Variants in ELMO3 observed in about 807,000 individuals in gnomAD.
ELMO3 encodes engulfment and cell motility protein 3.
A neutral mutation model predicts 89.0 loss-of-function variants in ELMO3; 81 were observed. That is an observed-to-expected ratio of 0.91 (90% CI 0.76 to 1.09). The LOEUF is 1.09. ELMO3 is among the 50% of genes least tolerant of loss of function. The pLI is 0.00. For synonymous variants in ELMO3, 406 were observed against 400.6 expected (o/e 1.01, Z -0.16); for missense variants, 959 against 972.8 (o/e 0.99, Z 0.19).
At chr16:67,200,131 C>A (rs2033064694) in intron 4 of ELMO3, 61 bp from the exon 5 acceptor site, 6 of 1,580,170 alleles carry the variant, frequency 3.8e-6, no homozygotes, top group Non-Finnish European at 4.3e-6. Flanking sequence ...CCGCACACTT[C>A]CAGGTCCCAC....
In ELMO3 at chr16:67,199,589, G is replaced by A. The variant is rs1370992710; in HGVS notation, c.115G>A (p.Asp39Asn). 6.2e-7 allele frequency: 1 copy of A among 1,609,556 alleles called. No homozygotes were observed. Among genetic ancestry groups the A allele is most frequent in the Non-Finnish European group, 8.5e-7 (1 of 1,179,308 alleles). The change falls in exon 2 of 20, where the codon GAC becomes AAC. Residue 39 changes from aspartate (D) to asparagine (N), a missense_variant. Physicochemically the swap from Asp to Asn is conservative, Grantham distance 23. Transcript: ENST00000393997. ...PLAAVLKEVC[D>N]AWSLTHSERY... is the part of the protein sequence containing the mutation. ...GGCCGCTGTGCTGAAGGAGGTGTGC[G>A]ACGCGTGAGTGCTGCCGGGCCAGGG...
rs1353650960 is a variant in ELMO3 at position 67,202,742 on chromosome 16, G to A, written c.1514G>A (p.Arg505Gln). 6.2e-6 allele frequency: 10 copies of A among 1,613,520 alleles called. No homozygotes were observed. Among genetic ancestry groups the A allele is most frequent in the East Asian group, 2.2e-5 (1 of 44,890 alleles). Residue 505 changes from arginine (R) to glutamine (Q), a missense_variant, in exon 15 of 20, where the codon CGG becomes CAG. By Grantham distance (43) the Arg-to-Gln change is conservative. Coordinates refer to ENST00000393997, the MANE Select transcript of ELMO3 (RefSeq NM_024712.5). ...ACTTATGGGGAGGTGCTGCGGCTGCGGCAGACTGAACGGCTGCACCAGGAG... is the reference window on the plus strand; with the variant it reads ...ACTTATGGGGAGGTGCTGCGGCTGCAGCAGACTGAACGGCTGCACCAGGAG... ...ALTYGEVLRL[R>Q]QTERLHQEGT...
chr16:67,199,784 T>C (rs1387265141), intron 3 of ELMO3, 28 bp downstream of exon 3: 2 of 1,601,016 alleles, frequency 1.2e-6, no homozygotes, highest in African/African-American at 2.8e-5. Flanking sequence ...AGCCCCAAGC[T>C]CGGCCTTCCG....
chr16:67,200,208 A>G lies in ELMO3; in HGVS notation c.260A>G (p.Gln87Arg), dbSNP rs775555328. Reference protein sequence around the residue: ...LSTAPDLEAEQLLGGLQSNSP... With the variant: ...LSTAPDLEAERLLGGLQSNSP... ...TCCTGCCAGGACCTTGAGGCTGAGCAGCTCTTGGGTGGGCTGCAGAGTAAC... is the reference window on the plus strand; with the variant it reads ...TCCTGCCAGGACCTTGAGGCTGAGCGGCTCTTGGGTGGGCTGCAGAGTAAC... The change falls in exon 5 of 20, where the codon CAG (glutamine) becomes CGG (arginine). Residue 87 changes from glutamine (Q) to arginine (R), a missense_variant. By Grantham distance (43) the Gln-to-Arg change is conservative (BLOSUM62 1). Coordinates refer to ENST00000393997, the MANE Select transcript of ELMO3 (RefSeq NM_024712.5). 19 of 1,612,482 alleles carry G rather than the reference A, an allele frequency of 1.2e-5. No individual in the cohort carries two copies. Among genetic ancestry groups the G allele is most frequent in the Non-Finnish European group, 1.5e-5 (18 of 1,179,246 alleles).
In ELMO3 at chr16:67,200,137, C is replaced by G. The variant is rs2033064791; in HGVS notation, c.244-55C>G. The stretch of plus-strand genomic sequence containing the variant: ...CGCCCGGGGCCGCACACTTCCAGGT[C>G]CCACCCTTACCATGCCCAGCCTCTT... On this transcript the variant is annotated intron_variant, in intron 4 of 19. Coordinates refer to ENST00000393997, the MANE Select transcript of ELMO3 (RefSeq NM_024712.5). 35 of 1,590,806 alleles carry G rather than the reference C, an allele frequency of 2.2e-5. No homozygotes were observed. The South Asian group carries it at 4.0e-4, about 18-fold the overall frequency.
chr16:67,200,524 A>G lies in ELMO3; in HGVS notation c.487A>G (p.Thr163Ala). The change falls in exon 6 of 20, where the codon ACT (threonine) becomes GCT (alanine). Residue 163 changes from threonine (T) to alanine (A), a missense_variant. Physicochemically the swap from Thr to Ala is moderately conservative, Grantham distance 58. Transcript: ENST00000393997. ...GGAGCACGGCGTGGTGTCCTGGGAG[A>G]CTCTGAGCATCCCCTTTGTGAGGAA... is the stretch of plus-strand genomic sequence containing the variant. Reference protein sequence around the residue: ...LMEHGVVSWETLSIPFVRKVV... With the variant: ...LMEHGVVSWEALSIPFVRKVV... The G allele has an allele frequency of 6.2e-7, 1 of 1,612,154 alleles. No homozygotes were observed. Among genetic ancestry groups the G allele is most frequent in the South Asian group, 1.1e-5 (1 of 90,978 alleles).
At chr16:67,200,587 T>C (rs1383525246) in intron 6 of ELMO3, 37 bp downstream of exon 6, 4 of 1,612,666 alleles carry the variant, frequency 2.5e-6, no homozygotes, top group Non-Finnish European at 3.4e-6. Flanking sequence ...GTGGGGGCAG[T>C]GGAGCAGTGG....
At chr16:67,199,425 T>C in intron 1 of ELMO3, 21 bp downstream of exon 1, 1 of 1,601,524 alleles carries the variant, frequency 6.2e-7, no homozygotes. Context: ...TGGTCCCGCC[T>C]CCATCTGCCC....
At position 67,199,147 on chromosome 16, in the gene ELMO3, C is replaced by T. The variant is rs1471567453; in HGVS notation, c.-180C>T. On this transcript the variant is annotated 5_prime_UTR_variant, in exon 1 of 20. Coordinates refer to ENST00000393997, the MANE Select transcript of ELMO3 (RefSeq NM_024712.5). ...CTCCAACCCGGAACTAACCTCGGCT[C>T]CCTTGGGAAGGCCGCGTTGCATGGC... 6.2e-7 allele frequency: 1 copy of T among 1,604,440 alleles called. No individual in the cohort carries two copies. The highest frequency in any genetic ancestry group is 1.7e-5 in the Admixed American group (1 of 59,924).
chr16:67,202,465 T>A lies in ELMO3; in HGVS notation c.1330T>A (p.Cys444Ser), dbSNP rs1350572476. 1 of 1,613,482 alleles carries A rather than the reference T, an allele frequency of 6.2e-7. No homozygotes were observed. The highest frequency in any genetic ancestry group is 8.5e-7 in the Non-Finnish European group (1 of 1,180,022). ...AGACCAGAGCTTCCACGAGCTCTTC[T>A]GTGTGGGCATCCAGCTGTTGAATAA... ...GQDQSFHELFCVGIQLLNKTW... is the reference protein window; with the variant it reads ...GQDQSFHELFSVGIQLLNKTW... The change falls in exon 14 of 20, where the codon TGT becomes AGT. Residue 444 changes from cysteine (C) to serine (S), a missense_variant. Physicochemically the swap from Cys to Ser is moderately radical, Grantham distance 112. Coordinates refer to ENST00000393997, the MANE Select transcript of ELMO3 (RefSeq NM_024712.5).
In ELMO3 at chr16:67,200,729, G is replaced by C; in HGVS notation, c.586G>C (p.Val196Leu). 6.2e-7 allele frequency: 1 copy of C among 1,613,652 alleles called. No individual in the cohort carries two copies. The highest frequency in any genetic ancestry group is 8.5e-7 in the Non-Finnish European group (1 of 1,180,008). Residue 196 changes from valine (V) to leucine (L), a missense_variant, in exon 7 of 20, where the codon GTG (valine) becomes CTG (leucine). Transcript: ENST00000393997. ...PPLALGLLES[V>L]TLSSPALGQL... ...CCTGGCCCTTGGGCTGCTGGAGAGT[G>C]TGACCTTGAGCAGCCCAGCCCTGGG...
At chr16:67,202,831 T>TC in intron 15 of ELMO3, 41 bp downstream of exon 15, 1 of 1,611,774 alleles carries the variant, frequency 6.2e-7, no homozygotes, top group Non-Finnish European at 8.5e-7. Context: ...AGCCCTACCT[T>TC]CCTTGGTGCC....
At chr16:67,201,902 C>T (rs375789741) in intron 11 of ELMO3, 29 bp downstream of exon 11, 34 of 1,602,852 alleles carry the variant, frequency 2.1e-5, no homozygotes, top group Non-Finnish European at 2.7e-5. Flanking sequence ...CAACTCCCCA[C>T]CCCTGCCTCA....
chr16:67,203,283 G>C lies in ELMO3; in HGVS notation c.1781-44G>C. The C allele has an allele frequency of 6.3e-7, 1 of 1,585,848 alleles. No homozygotes were observed. The highest frequency in any genetic ancestry group is 8.5e-7 in the Non-Finnish European group (1 of 1,170,212). On this transcript the variant is annotated intron_variant, in intron 17 of 19. Coordinates refer to ENST00000393997, the MANE Select transcript of ELMO3 (RefSeq NM_024712.5). This position sits in a 1 kb window ranked among gnomAD's most constrained non-coding sequence, Gnocchi z 4.6. Reference sequence around the variant, plus strand: ...TCTCCCCAGACCGCCCTGGGCCCCGGGGCTGCCAGGGCTGCAGTGCTCAGC... The same window carrying C: ...TCTCCCCAGACCGCCCTGGGCCCCGCGGCTGCCAGGGCTGCAGTGCTCAGC...
In ELMO3 at chr16:67,199,307, G is replaced by T; in HGVS notation, c.-20G>T. 1.2e-6 allele frequency: 2 copies of T among 1,612,428 alleles called. No individual in the cohort carries two copies. The highest frequency in any genetic ancestry group is 1.7e-6 in the Non-Finnish European group (2 of 1,179,888). On this transcript the variant is annotated 5_prime_UTR_variant, in exon 1 of 20. Coordinates refer to ENST00000393997, the MANE Select transcript of ELMO3 (RefSeq NM_024712.5). ...TGCACGGTCTCCGGAAAGTGCAGGC[G>T]CCCACGTCCCAGCTGGACCATGGCG... is the stretch of plus-strand genomic sequence containing the variant.
At chr16:67,199,822 A>G (rs919329495) in intron 3 of ELMO3, 66 bp downstream of exon 3, 6 of 1,602,154 alleles carry the variant, frequency 3.7e-6, no homozygotes, top group Non-Finnish European at 5.1e-6. Context: ...GGCCCCGATA[A>G]CTCTGGCTCT....
At chr16:67,202,572 G>C (rs2033141195) in intron 14 of ELMO3, 39 bp downstream of exon 14, 2 of 1,612,508 alleles carry the variant, frequency 1.2e-6, no homozygotes, top group African/African-American at 1.3e-5. Context: ...GGCCAGGGCA[G>C]GGGGCTGATC....
At position 67,200,761 on chromosome 16, in the gene ELMO3, G is replaced by A; in HGVS notation, c.618G>A (p.Leu206=). The change falls in exon 7 of 20, where the codon CTG becomes CTA. Residue 206 remains leucine, a synonymous_variant. Transcript: ENST00000393997. ...TGAGCAGCCCAGCCCTGGGCCAGCT[G>A]GTCAAGAGCGAGGTGCCCCTGGATA... is the stretch of plus-strand genomic sequence containing the variant. ...VTLSSPALGQ[L]VKSEVPLDRL... 3 of 1,613,596 alleles carry A rather than the reference G, an allele frequency of 1.9e-6. No individual in the cohort carries two copies. Among genetic ancestry groups the A allele is most frequent in the South Asian group, 1.1e-5 (1 of 91,056 alleles).
At position 67,199,131 on chromosome 16, in the gene ELMO3, G is replaced by A. The variant is rs2142216166; in HGVS notation, c.-196G>A. On this transcript the variant is annotated 5_prime_UTR_variant, in exon 1 of 20. Transcript: ENST00000393997. The stretch of plus-strand genomic sequence containing the variant: ...CCTTCCTACCCCCAGACTCCAACCC[G>A]GAACTAACCTCGGCTCCCTTGGGAA... 4 of 1,593,040 alleles carry A rather than the reference G, an allele frequency of 2.5e-6. No homozygotes were observed. Among genetic ancestry groups the A allele is most frequent in the Non-Finnish European group, 3.4e-6 (4 of 1,172,244 alleles).
Sources: gnomAD v4.1 joint callset for allele counts on GRCh38, gnomAD v4.1.1 for gene constraint, Gnocchi (gnomAD v3.1) non-coding constraint, MANE v1.5 for transcripts, NCBI Gene and HGNC (gene_info 2026-07-23, HGNC 2026-07-21) for gene names.